Variants in GRIN3A observed in about 807,000 individuals in gnomAD.
GRIN3A encodes glutamate receptor ionotropic, NMDA 3A.
Under a neutral mutation model 92.4 loss-of-function variants are expected in GRIN3A, and 47 were observed. The observed-to-expected ratio is 0.51, with a 90% CI of 0.40 to 0.65. The LOEUF is 0.65. Ranked by LOEUF, GRIN3A falls within the 30% of genes least tolerant of loss-of-function variation. The pLI, the probability that GRIN3A is intolerant of heterozygous loss-of-function variation, is 0.00. For missense variants in GRIN3A, 1,324 were observed against 1,393.1 expected (o/e 0.95, Z 0.79); for synonymous variants, 527 against 540.6 (o/e 0.97, Z 0.35).
intron 1 of GRIN3A, among the ~76,000 whole-genome samples, chr9:101,729,756 A>T (rs978806677): frequency 6.6e-6 from 1 of 152,194 alleles, no homozygotes; most frequent in Non-Finnish European, 1.5e-5. Flanking sequence ...TCATAAGCTC[A>T]TATCTGTTGT....
chr9:101,595,878 T>G (rs1564122135), intron 6 of GRIN3A, among the ~76,000 whole-genome samples: 1 of 152,212 alleles, frequency 6.6e-6, no homozygotes, highest in African/African-American at 2.4e-5. Flanking sequence ...AAGCCTTTTG[T>G]GTGTGTTGAG....
chr9:101,709,420 T>A (rs943734445), intron 1 of GRIN3A, among the ~76,000 whole-genome samples: 97 of 152,190 alleles, frequency 6.4e-4, no homozygotes, highest in Middle Eastern at 3.4e-3. Context: ...ATACACTTGG[T>A]TTTGTGGAGG....
chr9:101,616,100 A>G (rs1341675031), intron 5 of GRIN3A, among the ~76,000 whole-genome samples: 1 of 152,196 alleles, frequency 6.6e-6, no homozygotes, highest in Non-Finnish European at 1.5e-5. Flanking sequence ...ACCACTTAAC[A>G]TGGTGCCTAT....
At chr9:101,641,636 G>C (rs972705582) in intron 3 of GRIN3A, among the ~76,000 whole-genome samples, 1 of 151,866 alleles carries the variant, frequency 6.6e-6, no homozygotes, top group Non-Finnish European at 1.5e-5. Flanking sequence ...GTTGTGGGGT[G>C]GGGGGAGAGG....
At chr9:101,681,181 A>G (rs988914766) in intron 2 of GRIN3A, among the ~76,000 whole-genome samples, 21 of 152,346 alleles carry the variant, frequency 1.4e-4, no homozygotes, top group African/African-American at 4.3e-4. Context: ...CACTTTCCCC[A>G]GAGTCCGATG....
At chr9:101,644,787 G>A (rs1333901444) in intron 3 of GRIN3A, among the ~76,000 whole-genome samples, 3 of 151,834 alleles carry the variant, frequency 2.0e-5, no homozygotes, top group African/African-American at 7.2e-5. Flanking sequence ...GTCATCATGA[G>A]TATTTTTGAG....
At chr9:101,609,225 G>A (rs1828325992) in intron 6 of GRIN3A, among the ~76,000 whole-genome samples, 1 of 152,176 alleles carries the variant, frequency 6.6e-6, no homozygotes. Context: ...TATAATTTTG[G>A]CCAATGAAAT....
intron 6 of GRIN3A, among the ~76,000 whole-genome samples, chr9:101,604,714 A>G (rs927323537): frequency 6.6e-6 from 1 of 152,148 alleles, no homozygotes; most frequent in African/African-American, 2.4e-5. Context: ...AGCAGAAAAT[A>G]CTGCATTAAA....
At chr9:101,689,889 GT>G (rs1829592610) in intron 1 of GRIN3A, among the ~76,000 whole-genome samples, 1 of 152,152 alleles carries the variant, frequency 6.6e-6, no homozygotes, top group Non-Finnish European at 1.5e-5. Flanking sequence ...GAAAATCTGT[GT>G]CTTACATATG....
chr9:101,579,333 A>G lies in GRIN3A; in HGVS notation c.2794T>C (p.Ser932Pro). The G allele has an allele frequency of 6.2e-7, 1 of 1,614,002 alleles. No homozygotes were observed. Among genetic ancestry groups the G allele is most frequent in the Non-Finnish European group, 8.5e-7 (1 of 1,179,902 alleles). The change falls in exon 7 of 9, where the codon TCT (serine) becomes CCT (proline). Residue 932 changes from serine to proline, a missense_variant. Ser to Pro is a moderately conservative substitution (Grantham distance 74). Coordinates refer to ENST00000361820, the MANE Select transcript of GRIN3A (RefSeq NM_133445.3). ...ETLQMGIKHF[S>P]GLFVLLCIGF... ...ATGCACAGCAGCACAAAGAGCCCAG[A>G]GAAGTGTTTGATGCCCATTTGCAAA...
chr9:101,594,282 G>T, intron 6 of GRIN3A: 3 of 1,210,310 alleles, frequency 2.5e-6, no homozygotes, highest in South Asian at 1.6e-5. Context: ...CTCCTGTTAG[G>T]ACATATGGCT....
chr9:101,606,173 G>T (rs1334789505), intron 6 of GRIN3A, among the ~76,000 whole-genome samples: 1 of 152,222 alleles, frequency 6.6e-6, no homozygotes, highest in Non-Finnish European at 1.5e-5. Context: ...CAGTTGGGTT[G>T]CGGCCACTTT....
intron 1 of GRIN3A, among the ~76,000 whole-genome samples, chr9:101,707,743 A>T (rs1829829990): frequency 6.6e-6 from 1 of 152,160 alleles, no homozygotes; most frequent in African/African-American, 2.4e-5. Flanking sequence ...GTGGCAAGCA[A>T]CCACAGTTAA....
intron 6 of GRIN3A, among the ~76,000 whole-genome samples, chr9:101,600,251 T>C (rs1239564258): frequency 6.6e-6 from 1 of 152,202 alleles, no homozygotes; most frequent in African/African-American, 2.4e-5. Context: ...TATTGCCTAC[T>C]TTAGGCTTGC....
rs553679618 is a variant in GRIN3A at position 101,616,180 on chromosome 9, A to T, written c.2615-2653T>A. On this transcript the variant is annotated intron_variant, in intron 5 of 8. Coordinates refer to ENST00000361820, the MANE Select transcript of GRIN3A (RefSeq NM_133445.3). ...AAATGAATGTGTGAGTGAGTCAGTG[A>T]ATCAGTGACTATTATACGCTTGTGC... is the stretch of plus-strand genomic sequence containing the variant. Among the ~76,000 whole-genome samples the T allele has an allele frequency of 3.9e-5, 6 of 152,310 alleles. No individual in the cohort carries two copies. In the East Asian group the frequency reaches 1.2e-3, roughly 29 times the overall value.
chr9:101,591,072 A>T (rs1467430653), intron 6 of GRIN3A, among the ~76,000 whole-genome samples: 1 of 152,240 alleles, frequency 6.6e-6, no homozygotes, highest in Non-Finnish European at 1.5e-5. Flanking sequence ...TCCAATTAAC[A>T]TAGGATTCAT....
intron 3 of GRIN3A, among the ~76,000 whole-genome samples, chr9:101,641,357 T>G (rs1828859451): frequency 6.6e-6 from 1 of 152,142 alleles, no homozygotes; most frequent in Non-Finnish European, 1.5e-5. Flanking sequence ...TGTGGCACTA[T>G]TCACAATAGC....
chr9:101,690,082 C>G (rs189632379), intron 1 of GRIN3A, among the ~76,000 whole-genome samples: 303 of 152,072 alleles, frequency 2.0e-3, no homozygotes, highest in African/African-American at 6.6e-3. Flanking sequence ...TTCAATTTAT[C>G]TATATTAAAA....
chr9:101,665,636 C>T (rs1213495333), intron 3 of GRIN3A, among the ~76,000 whole-genome samples: 3 of 151,768 alleles, frequency 2.0e-5, no homozygotes, highest in Non-Finnish European at 4.4e-5. Context: ...AATGTCACCT[C>T]CCATTGAGAT....
Sources: allele counts gnomAD v4.1 joint callset (sites outside exome capture counted in the v4.1 genomes callset), GRCh38; gene constraint gnomAD v4.1.1; transcripts MANE v1.5; gene names NCBI Gene and HGNC (gene_info 2026-07-23, HGNC 2026-07-21).